Variants in DOK3 observed in about 807,000 individuals in gnomAD.
DOK3 encodes Dok-like protein.
Under a neutral mutation model 26.2 loss-of-function variants are expected in DOK3, and 23 were observed. The ratio of observed to expected loss-of-function variants is 0.88; its 90% CI spans 0.63 to 1.24. The LOEUF (loss-of-function observed/expected upper bound fraction) is 1.24, where lower values mean the gene tolerates loss of function less well. DOK3 is among the 50% of genes most tolerant of loss of function. The pLI, the probability that DOK3 is intolerant of heterozygous loss-of-function variation, is 0.00. For synonymous variants in DOK3, 268 were observed against 268.2 expected (o/e 1.00, Z 0.01); for missense variants, 619 against 610.6 (o/e 1.01, Z -0.15).
chr5:177,505,042 C>T lies in DOK3; in HGVS notation c.441G>A (p.Glu147=), dbSNP rs535831757. The stretch of plus-strand genomic sequence containing the variant: ...GCCAGGAGGAGTAGATGGAGTTTTC[C>T]TCCATGGGGACCAGGCCCCTCTTGG... ...QSPKRGLVPM[E]ENSIYSSWQE... Residue 147 remains glutamate (E), a synonymous_variant, in exon 4 of 6, where the codon GAG becomes GAA. Transcript: ENST00000510898. 4.3e-6 allele frequency: 7 copies of T among 1,612,232 alleles called. No homozygotes were observed. In the South Asian group the frequency reaches 7.7e-5, roughly 18 times the overall value.
chr5:177,508,976 G>A, intron 2 of DOK3: 1 of 198,740 alleles, frequency 5.0e-6, no homozygotes, highest in Non-Finnish European at 1.0e-5. Context: ...CATGCAAATA[G>A]CTTCGAGCAA....
chr5:177,505,039 T>G lies in DOK3; in HGVS notation c.444A>C (p.Glu148Asp). ...SPKRGLVPME[E>D]NSIYSSWQEV... is the part of the protein sequence containing the mutation. ...CCTGCCAGGAGGAGTAGATGGAGTT[T>G]TCCTCCATGGGGACCAGGCCCCTCT... The change falls in exon 4 of 6, where the codon GAA (glutamate) becomes GAC (aspartate). Residue 148 changes from glutamate to aspartate, a missense_variant. Physicochemically the swap from Glu to Asp is conservative, Grantham distance 45. Coordinates refer to ENST00000510898, the MANE Select transcript of DOK3 (RefSeq NM_001308236.3). The G allele has an allele frequency of 6.2e-7, 1 of 1,611,994 alleles. No homozygotes were observed. Among genetic ancestry groups the G allele is most frequent in the Non-Finnish European group, 8.5e-7 (1 of 1,179,122 alleles).
intron 2 of DOK3, 95 bp downstream of exon 2, chr5:177,509,380 C>T: frequency 6.7e-7 from 1 of 1,494,910 alleles, no homozygotes; most frequent in Middle Eastern, 1.8e-4. Flanking sequence ...CCCAAGTCTC[C>T]CAGGTCTGCC....
At chr5:177,507,160 G>A (rs906530867) in intron 3 of DOK3, among the ~76,000 whole-genome samples, 4 of 151,432 alleles carry the variant, frequency 2.6e-5, no homozygotes, top group African/African-American at 9.7e-5. Context: ...GAGTTACCTT[G>A]TCTGTACATT....
At position 177,504,180 on chromosome 5, in the gene DOK3, A is replaced by G; in HGVS notation, c.1126T>C (p.Tyr376His). 6.2e-7 allele frequency: 1 copy of G among 1,613,814 alleles called. No homozygotes were observed. Among genetic ancestry groups the G allele is most frequent in the Non-Finnish European group, 8.5e-7 (1 of 1,179,870 alleles). ...GSRSPTTSPI[Y>H]HNGQDLSWPG... ...CAGCTCAAGTCCTGGCCGTTGTGGT[A>G]GATGGGACTGGTTGTGGGGCTGCGG... is the stretch of plus-strand genomic sequence containing the variant. Residue 376 changes from tyrosine (Y) to histidine (H), a missense_variant, in exon 6 of 6, where the codon TAC (tyrosine) becomes CAC (histidine). Physicochemically the swap from Tyr to His is moderately conservative, Grantham distance 83. Coordinates refer to ENST00000510898, the MANE Select transcript of DOK3 (RefSeq NM_001308236.3).
At chr5:177,505,799 C>T (rs1052580367) in intron 3 of DOK3, among the ~76,000 whole-genome samples, 14 of 151,894 alleles carry the variant, frequency 9.2e-5, no homozygotes, top group East Asian at 5.8e-4. Flanking sequence ...TGCAGTGGCG[C>T]GATCTTGGCT....
At chr5:177,509,379 C>T in intron 2 of DOK3, 96 bp downstream of exon 2, 6 of 1,493,242 alleles carry the variant, frequency 4.0e-6, no homozygotes, top group Middle Eastern at 3.6e-4. Context: ...TCCCAAGTCT[C>T]CCAGGTCTGC....
chr5:177,504,836 C>T lies in DOK3; in HGVS notation c.552G>A (p.Leu184=), dbSNP rs1170685916. 4 of 1,613,208 alleles carry T rather than the reference C, an allele frequency of 2.5e-6. No individual in the cohort carries two copies. Among genetic ancestry groups the T allele is most frequent in the South Asian group, 1.1e-5 (1 of 91,022 alleles). Reference sequence around the variant, plus strand: ...CCCTCAGCTGGATGGCGTCTGGGCCCAGCACCAGCAGGGCCGGCCCCTTCA... The same window carrying T: ...CCCTCAGCTGGATGGCGTCTGGGCCTAGCACCAGCAGGGCCGGCCCCTTCA... ...CQLKGPALLV[L]GPDAIQLREA... is the part of the protein sequence containing the mutation. Residue 184 remains leucine (L), a synonymous_variant, in exon 5 of 6, where the codon CTG becomes CTA. Transcript: ENST00000510898.
intron 3 of DOK3, among the ~76,000 whole-genome samples, chr5:177,507,272 C>T (rs1027808190): frequency 1.3e-5 from 2 of 152,084 alleles, no homozygotes; most frequent in African/African-American, 4.8e-5. Context: ...CTACCTCAGC[C>T]TCCCAAAGTG....
upstream of DOK3, chr5:177,509,882 G>C (rs540692576): frequency 2.2e-5 from 36 of 1,606,794 alleles, no homozygotes; most frequent in Non-Finnish European, 3.1e-5. Flanking sequence ...GTCCCGCCCC[G>C]GGCAGCTGCG....
rs148072559 is a variant in DOK3, at chr5:177,506,003, G to A, written c.373-893C>T. Among the ~76,000 whole-genome samples the A allele has an allele frequency of 8.1e-3, 1,226 of 151,240 alleles. 23 individuals are homozygous for A. The highest frequency in any genetic ancestry group is 0.028 in the African/African-American group (1,171 of 41,172). The stretch of plus-strand genomic sequence containing the variant: ...TCCGCCTGTCTCGGCCTCCCAAAGT[G>A]CTGGGATTACAGGCATGAGCCACCG... On this transcript the variant is annotated intron_variant, in intron 3 of 5. Transcript: ENST00000510898.
At position 177,506,123 on chromosome 5, in the gene DOK3, T is replaced by G. The variant is rs190574928; in HGVS notation, c.373-1013A>C. Among the ~76,000 whole-genome samples the G allele has an allele frequency of 9.0e-3, 1,376 of 152,240 alleles. 52 individuals carry two copies. Among genetic ancestry groups the G allele is most frequent in the Admixed American group, 0.063 (971 of 15,292 alleles). On this transcript the variant is annotated intron_variant, in intron 3 of 5. Transcript: ENST00000510898. The stretch of plus-strand genomic sequence containing the variant: ...GCCCACCACCATGCCTGGCTAATTT[T>G]TTGTATTTTTAGTAGAGACAGGGTT...
Position 177,508,396 on chromosome 5 carries a change from G to T in DOK3, c.213C>A (p.Val71=), listed in dbSNP as rs1171384420. 1.2e-6 allele frequency: 2 copies of T among 1,603,358 alleles called. No homozygotes were observed. The highest frequency in any genetic ancestry group is 1.7e-4 in the Middle Eastern group (1 of 6,044). ...AGPGRRGERR[V]IRLADCVSVL... is the part of the protein sequence containing the mutation. ...CGGACACACAGTCAGCCAGGCGGAT[G>T]ACCCGTCGCTCCCCTCGCCGGCCAG... The change falls in exon 3 of 6, where the codon GTC becomes GTA. Residue 71 remains valine, a synonymous_variant. Transcript: ENST00000510898.
Position 177,506,927 on chromosome 5 carries a change from C to T in DOK3, c.372+1310G>A, listed in dbSNP as rs546828977. On this transcript the variant is annotated intron_variant, in intron 3 of 5. Transcript: ENST00000510898. ...TCTCGAACTTCTGACCTCAGGTGAT[C>T]CGCCCGCCTCGGCCTCCCAAAGTGC... 2.0e-5 allele frequency among the ~76,000 whole-genome samples: 3 copies of T among 152,128 alleles called. No individual in the cohort carries two copies. In the South Asian group the frequency reaches 6.2e-4, roughly 32 times the overall value.
Position 177,504,672 on chromosome 5 carries a change from G to T in DOK3, c.646-12C>A. On this transcript the variant is annotated splice_polypyrimidine_tract_variant and intron_variant, in intron 5 of 5. Transcript: ENST00000510898. ...AAGGAGAACACGCCCTGGGCACAGG[G>T]CACACGGGTGGGGATTAGCAGGAGG... 6.2e-7 allele frequency: 1 copy of T among 1,613,430 alleles called. No individual in the cohort carries two copies. Among genetic ancestry groups the T allele is most frequent in the African/African-American group, 1.3e-5 (1 of 75,056 alleles).
rs1261514818 is a variant in DOK3 at position 177,505,122 on chromosome 5, G to A, written c.373-12C>T. On this transcript the variant is annotated splice_polypyrimidine_tract_variant and intron_variant, in intron 3 of 5. Coordinates refer to ENST00000510898, the MANE Select transcript of DOK3 (RefSeq NM_001308236.3). ...GCCTCCCCTGTCCCCTGGGGAATGA[G>A]TTCAAGTCAAAGGTGAGAGCACCGC... The A allele has an allele frequency of 6.3e-7, 1 of 1,595,442 alleles. No homozygotes were observed.
chr5:177,510,204 A>G, upstream of DOK3: 1 of 410,218 alleles, frequency 2.4e-6, no homozygotes, highest in South Asian at 3.3e-5. Flanking sequence ...ACACTCAGGG[A>G]CCTGTGTGTT....
Position 177,502,833 on chromosome 5 carries a change from A to G in DOK3, c.*1150T>C. 1.8e-6 allele frequency: 1 copy of G among 552,910 alleles called. No homozygotes were observed. Among genetic ancestry groups the G allele is most frequent in the Non-Finnish European group, 3.2e-6 (1 of 314,516 alleles). The allele number at this position is 552,910 out of a possible 1,614,324, so 34.3% of individuals were successfully genotyped here. A position where few individuals can be genotyped will look rare whatever the true frequency, so the allele number is the denominator to read the frequency against. ...TTTGCCAGACCAGTAAGATGAAACGAGAGAGAACAGGGGGAAGGGACTATG... is the reference window on the plus strand; with the variant it reads ...TTTGCCAGACCAGTAAGATGAAACGGGAGAGAACAGGGGGAAGGGACTATG... On this transcript the variant is annotated 3_prime_UTR_variant, in exon 6 of 6. Transcript: ENST00000510898.
At chr5:177,510,622 G>A (rs1273232584), upstream of DOK3, 1 of 152,386 alleles carries the variant, frequency 6.6e-6, no homozygotes, top group Non-Finnish European at 1.5e-5. Flanking sequence ...TGCCATTTGG[G>A]AATGCACTTG....
Sources: gnomAD v4.1 joint callset for allele counts (sites outside exome capture counted in the v4.1 genomes callset) on GRCh38, gnomAD v4.1.1 for gene constraint, MANE v1.5 for transcripts, NCBI Gene and HGNC (gene_info 2026-07-23, HGNC 2026-07-21) for gene names.